IL12RB1: variants seen among roughly 807,000 people sequenced by gnomAD.
IL12RB1 encodes interleukin 12 receptor subunit beta 1.
Under a neutral mutation model 94.4 loss-of-function variants are expected in IL12RB1, and 64 were observed. The ratio of observed to expected loss-of-function variants is 0.68; its 90% CI spans 0.55 to 0.83. IL12RB1 has a LOEUF of 0.83. Among genes scored for constraint, IL12RB1 ranks in the 40% least tolerant of loss-of-function variants. The pLI is 0.00. For synonymous variants in IL12RB1, 362 were observed against 355.5 expected (o/e 1.02, Z -0.21); for missense variants, 814 against 855.6 (o/e 0.95, Z 0.61).
intron 1 of IL12RB1, among the ~76,000 whole-genome samples, chr19:18,086,213 A>G (rs1456311345): frequency 6.8e-6 from 1 of 147,116 alleles, no homozygotes; most frequent in African/African-American, 2.5e-5. Context: ...ACAGAGTGAG[A>G]CCCTACCTCA....
At chr19:18,059,835 C>T (rs2033988012) in intron 16 of IL12RB1, 59 bp downstream of exon 16, 3 of 995,792 alleles carry the variant, frequency 3.0e-6, no homozygotes, top group Non-Finnish European at 4.7e-6. Flanking sequence ...GATGTCTAGC[C>T]CCCCCACCCC....
intron 4 of IL12RB1, 62 bp downstream of exon 4, chr19:18,080,770 A>C: frequency 1.8e-6 from 2 of 1,106,764 alleles, no homozygotes; most frequent in Non-Finnish European, 2.8e-6. Flanking sequence ...CTCTAGCTCC[A>C]GCCTTGCAGC....
intron 7 of IL12RB1, among the ~76,000 whole-genome samples, 161 bp downstream of exon 7, chr19:18,075,588 G>A (rs1419529008): frequency 6.6e-6 from 1 of 151,928 alleles, no homozygotes; most frequent in Non-Finnish European, 1.5e-5. Context: ...TTAGAGATGG[G>A]GTCTCACTAT....
rs1191462037 is a variant in IL12RB1, at chr19:18,060,050, T to C, written c.1827A>G (p.Glu609=). ...WQWINPVDFQ[E]EASLQEALVV... is the part of the protein sequence containing the mutation. ...CCAGGGCCTCCTGCAGGGATGCCTC[T>C]TCCTGGAAGTCCACTGGGTTGATCC... Residue 609 remains glutamate (E), a synonymous_variant, in exon 16 of 17, where the codon GAA becomes GAG. Coordinates refer to ENST00000593993, the MANE Select transcript of IL12RB1 (RefSeq NM_005535.3). 5 of 1,606,606 alleles carry C rather than the reference T, an allele frequency of 3.1e-6. No individual in the cohort carries two copies. Among genetic ancestry groups the C allele is most frequent in the Non-Finnish European group, 4.3e-6 (5 of 1,174,444 alleles).
chr19:18,077,646 T>G lies in IL12RB1; in HGVS notation c.419A>C (p.Glu140Ala), dbSNP rs1228769335. The G allele has an allele frequency of 6.3e-7, 1 of 1,591,566 alleles. No individual in the cohort carries two copies. Among genetic ancestry groups the G allele is most frequent in the African/African-American group, 1.3e-5 (1 of 74,378 alleles). The change falls in exon 5 of 17, where the codon GAG (glutamate) becomes GCG (alanine). Residue 140 changes from glutamate (E) to alanine (A), a missense_variant. By Grantham distance (107) the Glu-to-Ala change is moderately radical. Coordinates refer to ENST00000593993, the MANE Select transcript of IL12RB1 (RefSeq NM_005535.3). The part of the protein sequence containing the change: ...TLQLYNSVKY[E>A]PPLGDIKVSK... ...CACCTTGATGTCTCCCAGAGGAGGC[T>G]CATATTTAACTGGAAGCAGAGGTAG...
intron 1 of IL12RB1, chr19:18,097,794 T>C (rs2037092300): frequency 9.0e-6 from 11 of 1,220,852 alleles, no homozygotes; most frequent in Non-Finnish European, 1.0e-5. Context: ...TCCCGGGCCA[T>C]GGACGAGTCG....
intron 7 of IL12RB1, among the ~76,000 whole-genome samples, chr19:18,075,476 G>A (rs1217645062): frequency 6.6e-6 from 1 of 151,858 alleles, no homozygotes; most frequent in East Asian, 1.9e-4. Context: ...GGCCAGGCTG[G>A]TCTCGAACTC....
Position 18,066,685 on chromosome 19 carries a change from C to G in IL12RB1, c.1340G>C (p.Gly447Ala). ...CTTCACCGAGACGTGGTGCGGTGTCCCAGCTGCTGAGGCTGCAACCAGTAC... is the reference window on the plus strand; with the variant it reads ...CTTCACCGAGACGTGGTGCGGTGTCGCAGCTGCTGAGGCTGCAACCAGTAC... ...YHFGGNASAA[G>A]TPHHVSVKNH... Residue 447 changes from glycine (G) to alanine (A), a missense_variant, in exon 12 of 17, where the codon GGG (glycine) becomes GCG (alanine). Physicochemically the swap from Gly to Ala is moderately conservative, Grantham distance 60. Coordinates refer to ENST00000593993, the MANE Select transcript of IL12RB1 (RefSeq NM_005535.3). The G allele has an allele frequency of 3.7e-6, 6 of 1,609,462 alleles. No homozygotes were observed. The highest frequency in any genetic ancestry group is 5.1e-6 in the Non-Finnish European group (6 of 1,176,832).
At chr19:18,093,350 T>TATATATATA (rs2036726766) in intron 1 of IL12RB1, among the ~76,000 whole-genome samples, 2 of 133,294 alleles carry the variant, frequency 1.5e-5, no homozygotes, top group African/African-American at 3.2e-5. Context: ...ATATATATAC[T>TATATATATA]TGTGTGTGTG....
In IL12RB1 at chr19:18,086,913, A is replaced by G. The variant is rs762624558; in HGVS notation, c.-90T>C. 3 of 1,567,208 alleles carry G rather than the reference A, an allele frequency of 1.9e-6. No individual in the cohort carries two copies. Among genetic ancestry groups the G allele is most frequent in the Non-Finnish European group, 2.6e-6 (3 of 1,155,118 alleles). ...CCGTCCCCACTCCGGAACACATTGAAGCTGAGCAAGGAGAAAAGACTGAAA... is the reference window on the plus strand; with the variant it reads ...CCGTCCCCACTCCGGAACACATTGAGGCTGAGCAAGGAGAAAAGACTGAAA... On this transcript the variant is annotated 5_prime_UTR_variant, in exon 1 of 17. Transcript: ENST00000593993.
chr19:18,093,331 AAT>A (rs574892319), intron 1 of IL12RB1, among the ~76,000 whole-genome samples: 27 of 121,166 alleles, frequency 2.2e-4, no homozygotes, highest in African/African-American at 2.4e-4. Flanking sequence ...AAAAAACACA[AAT>A]ATATATATAT....
chr19:18,069,704 G>T lies in IL12RB1; in HGVS notation c.1031C>A (p.Ala344Asp). ...GTTGGTTCCGACGCTGATATTCAGA[G>T]CCACTGGTTCTGGAAGGAGAGGGGA... is the stretch of plus-strand genomic sequence containing the variant. ...IPADTHTEPVALNISVGTNGT... is the reference protein window; with the variant it reads ...IPADTHTEPVDLNISVGTNGT... The change falls in exon 10 of 17, where the codon GCT becomes GAT. Residue 344 changes from alanine to aspartate, a missense_variant. Physicochemically the swap from Ala to Asp is moderately radical, Grantham distance 126 (BLOSUM62 -2). Transcript: ENST00000593993. 1 of 1,609,054 alleles carries T rather than the reference G, an allele frequency of 6.2e-7. No individual in the cohort carries two copies. The highest frequency in any genetic ancestry group is 8.5e-7 in the Non-Finnish European group (1 of 1,176,066).
At chr19:18,092,153 C>T (rs2036657670) in intron 1 of IL12RB1, among the ~76,000 whole-genome samples, 1 of 150,270 alleles carries the variant, frequency 6.7e-6, no homozygotes, top group East Asian at 2.0e-4. Flanking sequence ...CTGGGATTAC[C>T]GGCGTAAGCC....
At chr19:18,083,213 T>C (rs547210693) in intron 2 of IL12RB1, 5 of 637,902 alleles carry the variant, frequency 7.8e-6, no homozygotes, top group Admixed American at 6.8e-5. Flanking sequence ...CCTGAGACCA[T>C]GCTAGGGAAG....
At chr19:18,069,197 C>T (rs974678027) in intron 10 of IL12RB1, among the ~76,000 whole-genome samples, 1 of 152,168 alleles carries the variant, frequency 6.6e-6, no homozygotes, top group African/African-American at 2.4e-5. Flanking sequence ...TCACGGCCCC[C>T]CTTTCCCTAA....
rs1434156932 is a variant in IL12RB1, at chr19:18,059,058, A to G, written c.*550T>C. 6.5e-6 allele frequency: 1 copy of G among 152,722 alleles called. No individual in the cohort carries two copies. Among genetic ancestry groups the G allele is most frequent in the East Asian group, 1.9e-4 (1 of 5,138 alleles). The allele number at this position is 152,722 out of a possible 1,614,324, so 9.5% of individuals were successfully genotyped here. A position where few individuals can be genotyped will look rare whatever the true frequency, so the allele number is the denominator to read the frequency against. ...CATTCAAGCTTCAAACAGGAAAAAA[A>G]TACCCAAGAGGAGGCTCATTTACGA... On this transcript the variant is annotated 3_prime_UTR_variant, in exon 17 of 17. Transcript: ENST00000593993.
At chr19:18,070,759 A>G (rs845380) in intron 9 of IL12RB1, 100,972 of 150,316 alleles carry the variant, frequency 0.67, 34,343 homozygotes, top group South Asian at 0.77. Flanking sequence ...GGCAACGTAG[A>G]GAGACACCTG....
intron 1 of IL12RB1, among the ~76,000 whole-genome samples, chr19:18,083,719 TC>T (rs3833285): frequency 0.17 from 24,911 of 150,816 alleles, 2,126 homozygotes; most frequent in Non-Finnish European, 0.2. Flanking sequence ...TACCCATCCA[TC>T]CACCCATGAA....
chr19:18,071,450 G>T, intron 9 of IL12RB1: 1 of 495,140 alleles, frequency 2.0e-6, no homozygotes, highest in Non-Finnish European at 3.4e-6. Flanking sequence ...TATCAACCAG[G>T]GTGGAGCGCA....
Sources: allele counts gnomAD v4.1 joint callset (sites outside exome capture counted in the v4.1 genomes callset), GRCh38; gene constraint gnomAD v4.1.1; transcripts MANE v1.5; gene names NCBI Gene and HGNC (gene_info 2026-07-23, HGNC 2026-07-21).